NBPF12: variants seen among roughly 807,000 people sequenced by gnomAD.
The protein encoded by NBPF12 is NBPF member 12.
In NBPF12, 115 loss-of-function variants were observed where a neutral mutation model predicts 146.4. The ratio of observed to expected loss-of-function variants is 0.79; its 90% CI spans 0.68 to 0.92. The LOEUF is 0.92. NBPF12 is among the 40% of genes least tolerant of loss of function. NBPF12 has a pLI of 0.00. For missense variants in NBPF12, 1,205 were observed against 1,326.8 expected, an observed-to-expected ratio of 0.91 and a Z score of 1.43; for synonymous variants, 385 against 508.9, an observed-to-expected ratio of 0.76 and a Z score of 3.28.
intron 16 of NBPF12, among the ~76,000 whole-genome samples, chr1:146,976,521 CTA>C (rs1657036299): frequency 1.0e-4 from 10 of 98,846 alleles, no homozygotes. Flanking sequence ...TTGAAATCTT[CTA>C]ATGCATAGAG....
At chr1:146,964,762 T>C in intron 7 of NBPF12, 131 bp from the exon 11 acceptor site, 1 of 1,430,720 alleles carries the variant, frequency 7.0e-7, no homozygotes, top group Non-Finnish European at 9.8e-7. Flanking sequence ...TGTTCCCTCT[T>C]TAAGGGAACC....
rs1476460749 is a variant in NBPF12, at chr1:146,955,693, T to C, written c.-183-4166T>C. Among the ~76,000 whole-genome samples, 472 of 150,042 alleles carry C rather than the reference T, an allele frequency of 3.1e-3. 2 individuals carry two copies. The highest frequency in any genetic ancestry group is 3.0e-3 in the Non-Finnish European group (205 of 68,002). ...AGTCTGAGTCCTAAAGACCTTCCTC[T>C]GGAACCTCAGTTAAATTCACTTAAT... On this transcript the variant is annotated intron_variant, in intron 2 of 33. Coordinates refer to ENST00000617844, the Ensembl canonical transcript of NBPF12.
In NBPF12 at chr1:146,966,643, G is replaced by A. The variant is rs1553885689; in HGVS notation, c.958G>A (p.Gly320Ser). 236 of 1,480,906 alleles carry A rather than the reference G, an allele frequency of 1.6e-4. 5 individuals carry two copies. Among genetic ancestry groups the A allele is most frequent in the Middle Eastern group, 1.3e-3 (6 of 4,554 alleles). The allele number at this position is 1,480,906 out of a possible 1,614,324, so 91.7% of individuals were successfully genotyped here. ...GAAATGTTTTGTAACTCAACTGGCC[G>A]GCTTCCTGGCCAAGCAGCAGAACAA... The change falls in exon 9 of 34, where the codon GGC (glycine) becomes AGC (serine). Residue 320 changes from glycine (G) to serine (S), a missense_variant. Transcript: ENST00000617844.
At chr1:146,965,147 A>G (rs1421530465) in intron 8 of NBPF12, 43 bp downstream of exon 11, 3 of 1,100,784 alleles carry the variant, frequency 2.7e-6, no homozygotes, top group Non-Finnish European at 4.2e-6. Context: ...TGTCTAGGCT[A>G]TGGAAGATCA....
At chr1:146,971,553 G>A (rs1344489821) in intron 13 of NBPF12, among the ~76,000 whole-genome samples, 159 bp downstream of exon 16, 1 of 145,904 alleles carries the variant, frequency 6.9e-6, no homozygotes, top group Non-Finnish European at 1.5e-5. Context: ...ACTTTGGAAG[G>A]CCCAAGTGGG....
At chr1:146,947,968 CATA>C (rs1163105748), upstream of NBPF12, among the ~76,000 whole-genome samples, 2 of 151,968 alleles carry the variant, frequency 1.3e-5, no homozygotes, top group Admixed American at 6.5e-5. Flanking sequence ...TACATTTTCA[CATA>C]ATAATATTTG....
chr1:146,984,983 A>T (rs1657662793), exon 22 of NBPF12: 2 of 1,247,778 alleles, frequency 1.6e-6, no homozygotes, highest in African/African-American at 1.5e-5. Context: ...GTTGACATGG[A>T]TGGTGAGTAC....
intron 19 of NBPF12, among the ~76,000 whole-genome samples, chr1:146,981,074 G>A (rs1657340544): frequency 7.3e-6 from 1 of 137,066 alleles, no homozygotes. Flanking sequence ...GGTGGGAATT[G>A]AACAATGAGA....
intron 5 of NBPF12, among the ~76,000 whole-genome samples, chr1:146,962,606 C>A (rs1263658254): frequency 2.0e-5 from 3 of 151,564 alleles, no homozygotes; most frequent in Non-Finnish European, 4.4e-5. Context: ...TGAGAATCAC[C>A]TTCTGACTGA....
chr1:146,954,758 G>A (rs1437762159), intron 2 of NBPF12, among the ~76,000 whole-genome samples: 14 of 149,884 alleles, frequency 9.3e-5, no homozygotes, highest in Admixed American at 9.3e-4. Flanking sequence ...TGAAAATCAA[G>A]ATTATGTGTT....
chr1:146,963,343 C>G (rs1655979698), intron 6 of NBPF12, 34 bp downstream of exon 9: 2 of 1,609,154 alleles, frequency 1.2e-6, no homozygotes, highest in African/African-American at 1.3e-5. Context: ...GACCCAAAAC[C>G]CCAGGCTTAT....
chr1:146,963,289 T>C (rs1326842208), exon 6 of NBPF12: 19 of 1,611,732 alleles, frequency 1.2e-5, no homozygotes, highest in Non-Finnish European at 1.5e-5. Context: ...GCACAGCAAC[T>C]TGTCCAAAAG....
intron 16 of NBPF12, among the ~76,000 whole-genome samples, chr1:146,976,545 A>T (rs1264715170): frequency 7.7e-6 from 1 of 129,766 alleles, no homozygotes; most frequent in Non-Finnish European, 1.6e-5. Flanking sequence ...ACTGTGGGAC[A>T]AGTTTGCTTC....
chr1:146,945,140 TTCTC>T (rs1215394770), upstream of NBPF12, among the ~76,000 whole-genome samples: 9 of 149,690 alleles, frequency 6.0e-5, no homozygotes, highest in East Asian at 7.8e-4. Flanking sequence ...TTCTTTTTCT[TTCTC>T]TCTCTCTCAT....
chr1:146,976,672 A>G lies in NBPF12; in HGVS notation c.2120-257A>G, dbSNP rs1407877907. On this transcript the variant is annotated intron_variant, in intron 16 of 33. Transcript: ENST00000617844. Reference sequence around the variant, plus strand: ...GCCAAAGTCCAGAGAGAGGCTGCACAAGCCTCCAGTGATATGGGAAGCAAA... The same window carrying G: ...GCCAAAGTCCAGAGAGAGGCTGCACGAGCCTCCAGTGATATGGGAAGCAAA... Among the ~76,000 whole-genome samples, 7 of 151,820 alleles carry G rather than the reference A, an allele frequency of 4.6e-5. No homozygotes were observed. The East Asian group carries it at 1.4e-3, about 29-fold the overall frequency.
chr1:146,945,212 A>G (rs1654997903), upstream of NBPF12, among the ~76,000 whole-genome samples: 1 of 151,224 alleles, frequency 6.6e-6, no homozygotes, highest in African/African-American at 2.4e-5. Flanking sequence ...CACTGCACTG[A>G]AATCTACATT....
rs1396939814 is a variant in NBPF12 at position 146,970,669 on chromosome 1, A to G, written c.1329A>G (p.Glu443=). ...TAGAAAATGATGAAGATGAGGATGA[A>G]GATGTTCAAGTTGAGGAGGATGAGA... The change falls in exon 12 of 34, where the codon GAA becomes GAG. Residue 443 remains glutamate (E), a synonymous_variant. Coordinates refer to ENST00000617844, the Ensembl canonical transcript of NBPF12. The G allele has an allele frequency of 7.4e-6, 11 of 1,483,244 alleles. 2 individuals carry two copies. The Admixed American group carries it at 1.7e-4, about 23-fold the overall frequency. 91.9% of individuals were successfully genotyped at this position (1,483,244 alleles called of 1,614,324 possible).
At chr1:146,938,564 C>G (rs1400803727), upstream of NBPF12, among the ~76,000 whole-genome samples, 1 of 152,064 alleles carries the variant, frequency 6.6e-6, no homozygotes, top group African/African-American at 2.4e-5. Context: ...TTTCTCCGCC[C>G]GCGGCCCGAA....
At chr1:146,989,403 T>C (rs1247077764) in intron 27 of NBPF12, among the ~76,000 whole-genome samples, 171 bp from the exon 31 acceptor site, 1 of 151,392 alleles carries the variant, frequency 6.6e-6, no homozygotes, top group African/African-American at 2.4e-5. Flanking sequence ...TTTCATTGTT[T>C]TCTACCTGGC....
Sources: gnomAD v4.1 joint callset for allele counts (sites outside exome capture counted in the v4.1 genomes callset) on GRCh38, gnomAD v4.1.1 for gene constraint, MANE v1.5 for transcripts, NCBI Gene and HGNC (gene_info 2026-07-23, HGNC 2026-07-21) for gene names.